The following ZNF354B variants were observed in gnomAD, a reference collection of about 807,000 sequenced individuals.
The protein encoded by ZNF354B is zinc finger protein 354B.
A neutral mutation model predicts 12.9 loss-of-function variants in ZNF354B; 10 were observed. The ratio of observed to expected loss-of-function variants is 0.77; its 90% CI spans 0.48 to 1.31. The LOEUF (loss-of-function observed/expected upper bound fraction) is 1.31, where lower values mean the gene tolerates loss of function less well. Among genes scored for constraint, ZNF354B ranks in the 40% most tolerant of loss-of-function variants. The probability of loss-of-function intolerance (pLI) is 0.00; values close to 1 mark genes in which losing one functional copy is unlikely to be tolerated. For missense variants in ZNF354B, 614 were observed against 711.7 expected (o/e 0.86, Z 1.56); for synonymous variants, 260 against 243.7 (o/e 1.07, Z -0.62).
Position 178,883,975 on chromosome 5 carries a change from C to T in ZNF354B, c.1523C>T (p.Ser508Leu), listed in dbSNP as rs554369625. Reference sequence around the variant, plus strand: ...GACAAAACATTCAGGTGTAACTCATCGCTTAGTAATCACCAGAGAATTCAT... The same window carrying T: ...GACAAAACATTCAGGTGTAACTCATTGCTTAGTAATCACCAGAGAATTCAT... Reference protein sequence around the residue: ...ECDKTFRCNSSLSNHQRIHTG... With the variant: ...ECDKTFRCNSLLSNHQRIHTG... The change falls in exon 5 of 5, where the codon TCG becomes TTG. Residue 508 changes from serine to leucine, a missense_variant. Coordinates refer to ENST00000322434, the MANE Select transcript of ZNF354B (RefSeq NM_058230.3). 14 of 1,614,088 alleles carry T rather than the reference C, an allele frequency of 8.7e-6. No individual in the cohort carries two copies. Among genetic ancestry groups the T allele is most frequent in the East Asian group, 2.2e-5 (1 of 44,868 alleles).
chr5:178,876,822 A>G (rs1757644629), intron 4 of ZNF354B, among the ~76,000 whole-genome samples: 1 of 151,582 alleles, frequency 6.6e-6, no homozygotes, highest in Admixed American at 6.6e-5. Context: ...GAGCATCTTT[A>G]TGATAGTTGT....
At position 178,879,334 on chromosome 5, in the gene ZNF354B, G is replaced by A. The variant is rs116267769; in HGVS notation, c.257-3375G>A. Among the ~76,000 whole-genome samples the A allele has an allele frequency of 1.1e-3, 166 of 151,976 alleles. 1 individual carries two copies. The Middle Eastern group carries it at 0.014, about 12-fold the overall frequency. ...AGTGCTAGGATTACAGACGGGAGCCGCTGTGCCCAGCCTGTGTGCTGATTT... is the reference window on the plus strand; with the variant it reads ...AGTGCTAGGATTACAGACGGGAGCCACTGTGCCCAGCCTGTGTGCTGATTT... On this transcript the variant is annotated intron_variant, in intron 4 of 4. Transcript: ENST00000322434.
chr5:178,861,741 T>TAGGA, intron 2 of ZNF354B, among the ~76,000 whole-genome samples: 1 of 152,276 alleles, frequency 6.6e-6, no homozygotes, highest in South Asian at 2.1e-4. Context: ...AGGTGGTAGT[T>TAGGA]AGGAAGTAGG....
chr5:178,877,119 C>G (rs1430121192), intron 4 of ZNF354B, among the ~76,000 whole-genome samples: 1 of 151,950 alleles, frequency 6.6e-6, no homozygotes, highest in Non-Finnish European at 1.5e-5. Context: ...CTTTCCCTGG[C>G]CTTGTGCAGT....
Position 178,882,933 on chromosome 5 carries a change from GT to G in ZNF354B, c.483del (p.Glu162AsnfsTer8), listed in dbSNP as rs1255136767. ...TACTGTAGATAGAAGCCATAAAAAT[GT>G]TGAATTTGGCCAAAACTTCTACCTG... ...ILTVDRSHKN[V>X]EFGQNFYLKS... On this transcript the variant is annotated frameshift_variant, in exon 5 of 5. Coordinates refer to ENST00000322434, the MANE Select transcript of ZNF354B (RefSeq NM_058230.3). LOFTEE classifies it low-confidence loss of function (END_TRUNC). The G allele has an allele frequency of 6.2e-7, 1 of 1,600,164 alleles. No homozygotes were observed.
intron 4 of ZNF354B, among the ~76,000 whole-genome samples, chr5:178,868,284 T>C (rs1334993400): frequency 1.3e-5 from 2 of 148,772 alleles, no homozygotes; most frequent in Non-Finnish European, 3.0e-5. Flanking sequence ...GGAAACAGCA[T>C]TTGCGAGGTG....
chr5:178,883,137 C>T lies in ZNF354B; in HGVS notation c.685C>T (p.Leu229Phe). Residue 229 changes from leucine (L) to phenylalanine (F), a missense_variant, in exon 5 of 5, where the codon CTT becomes TTT. By Grantham distance (22) the Leu-to-Phe change is conservative. Coordinates refer to ENST00000322434, the MANE Select transcript of ZNF354B (RefSeq NM_058230.3). ...CEKAFIHNSS[L>F]RKHQKNHTGE... ...AAAAGCCTTCATTCACAATTCATCC[C>T]TTCGTAAACATCAGAAAAACCACAC... 6.2e-7 allele frequency: 1 copy of T among 1,612,918 alleles called. No homozygotes were observed. The highest frequency in any genetic ancestry group is 8.5e-7 in the Non-Finnish European group (1 of 1,179,740).
chr5:178,877,250 A>G (rs1465126124), intron 4 of ZNF354B, among the ~76,000 whole-genome samples: 1 of 150,166 alleles, frequency 6.7e-6, no homozygotes, highest in Non-Finnish European at 1.5e-5. Context: ...GCTCACTGCA[A>G]CCTCCACCTT....
At chr5:178,866,717 A>G (rs1757463982) in intron 3 of ZNF354B, among the ~76,000 whole-genome samples, 1 of 152,044 alleles carries the variant, frequency 6.6e-6, no homozygotes. Context: ...TCGACCTACC[A>G]TTGCCTTTCC....
chr5:178,877,783 A>G (rs999751488), intron 4 of ZNF354B, among the ~76,000 whole-genome samples: 1 of 152,122 alleles, frequency 6.6e-6, no homozygotes, highest in Non-Finnish European at 1.5e-5. Flanking sequence ...AACTAATATT[A>G]ATTTCACTTG....
chr5:178,863,144 C>T (rs1010978526), intron 2 of ZNF354B, among the ~76,000 whole-genome samples: 1 of 152,158 alleles, frequency 6.6e-6, no homozygotes, highest in African/African-American at 2.4e-5. Flanking sequence ...GTCTTGTACT[C>T]TTCCCCAATA....
chr5:178,868,001 G>T (rs1456144883), intron 4 of ZNF354B, among the ~76,000 whole-genome samples: 1 of 152,198 alleles, frequency 6.6e-6, no homozygotes, highest in Non-Finnish European at 1.5e-5. Flanking sequence ...AATCATGGAG[G>T]GAGGCAGGAG....
At chr5:178,870,873 G>T (rs539413698) in intron 4 of ZNF354B, among the ~76,000 whole-genome samples, 3 of 152,046 alleles carry the variant, frequency 2.0e-5, no homozygotes, top group East Asian at 3.9e-4. Flanking sequence ...TGCCCAGGCT[G>T]TTCTTTGAAC....
Position 178,875,058 on chromosome 5 carries a change from A to G in ZNF354B, c.257-7651A>G, listed in dbSNP as rs185065021. Among the ~76,000 whole-genome samples the G allele has an allele frequency of 3.3e-5, 5 of 152,298 alleles. No individual in the cohort carries two copies. The East Asian group carries it at 7.7e-4, about 24-fold the overall frequency. On this transcript the variant is annotated intron_variant, in intron 4 of 4. Transcript: ENST00000322434. ...GTAGATGGGCTTAAGTGTTATGGCCAGTAGGTAGGCTCTTACTCAGCTATG... is the reference window on the plus strand; with the variant it reads ...GTAGATGGGCTTAAGTGTTATGGCCGGTAGGTAGGCTCTTACTCAGCTATG...
chr5:178,866,131 C>T lies in ZNF354B; in HGVS notation c.34-113C>T, dbSNP rs1244733905. On this transcript the variant is annotated intron_variant, in intron 2 of 4. Transcript: ENST00000322434. ...CATTAAAGGAATGACCTGGAACCTTCAGAAGCTTGAATAGTATGAGAAGTG... is the reference window on the plus strand; with the variant it reads ...CATTAAAGGAATGACCTGGAACCTTTAGAAGCTTGAATAGTATGAGAAGTG... The T allele has an allele frequency of 9.6e-6, 14 of 1,461,038 alleles. No individual in the cohort carries two copies. In the South Asian group the frequency reaches 1.3e-4, roughly 13 times the overall value. 90.5% of individuals were successfully genotyped at this position (1,461,038 alleles called of 1,614,324 possible).
rs771830989 is a variant in ZNF354B, at chr5:178,884,245, A to G, written c.1793A>G (p.Lys598Arg). 5.0e-6 allele frequency: 8 copies of G among 1,607,750 alleles called. No homozygotes were observed. The highest frequency in any genetic ancestry group is 5.9e-6 in the Non-Finnish European group (7 of 1,177,018). ...SQRSSLTNHY[K>R]IHIEEDSLKA... Reference sequence around the variant, plus strand: ...AGGTCATCCCTTACTAATCATTATAAAATTCACATTGAAGAGGACTCCTTA... The same window carrying G: ...AGGTCATCCCTTACTAATCATTATAGAATTCACATTGAAGAGGACTCCTTA... Residue 598 changes from lysine (K) to arginine (R), a missense_variant, in exon 5 of 5, where the codon AAA becomes AGA. Physicochemically the swap from Lys to Arg is conservative, Grantham distance 26. Coordinates refer to ENST00000322434, the MANE Select transcript of ZNF354B (RefSeq NM_058230.3).
At chr5:178,873,198 A>G (rs1036679388) in intron 4 of ZNF354B, among the ~76,000 whole-genome samples, 1 of 152,188 alleles carries the variant, frequency 6.6e-6, no homozygotes, top group Admixed American at 6.5e-5. Flanking sequence ...GCTGGATAGT[A>G]GTTGCCGGAT....
chr5:178,862,799 C>G (rs556159174), intron 2 of ZNF354B, among the ~76,000 whole-genome samples: 1 of 152,222 alleles, frequency 6.6e-6, no homozygotes, highest in South Asian at 2.1e-4. Flanking sequence ...CCAAGCTGCT[C>G]TCCTGACTAG....
rs1757771804 is a variant in ZNF354B at position 178,884,432 on chromosome 5, GC to G, written c.*142del. On this transcript the variant is annotated 3_prime_UTR_variant, in exon 5 of 5. Coordinates refer to ENST00000322434, the MANE Select transcript of ZNF354B (RefSeq NM_058230.3). The stretch of plus-strand genomic sequence containing the variant: ...AGCTATGTAATAACTTATGGGAAAA[GC>G]TTTTATACTTGTCACTCACTTTTTA... 2 of 873,590 alleles carry G rather than the reference GC, an allele frequency of 2.3e-6. No individual in the cohort carries two copies. The highest frequency in any genetic ancestry group is 3.3e-6 in the Non-Finnish European group (2 of 600,884). The allele number at this position is 873,590 out of a possible 1,614,324, so 54.1% of individuals were successfully genotyped here. A position where few individuals can be genotyped will look rare whatever the true frequency, so the allele number is the denominator to read the frequency against.
Sources: allele counts gnomAD v4.1 joint callset (sites outside exome capture counted in the v4.1 genomes callset), GRCh38; gene constraint gnomAD v4.1.1; transcripts MANE v1.5; gene names NCBI Gene and HGNC (gene_info 2026-07-23, HGNC 2026-07-21).